NPSR1: variants seen among roughly 807,000 people sequenced by gnomAD.
NPSR1 encodes neuropeptide S receptor 1.
In NPSR1, 48 loss-of-function variants were observed where a neutral mutation model predicts 46.9. The observed-to-expected ratio is 1.02, with a 90% CI of 0.81 to 1.30. NPSR1 has a LOEUF of 1.30. Among genes scored for constraint, NPSR1 ranks in the 50% most tolerant of loss-of-function variants. NPSR1 has a pLI of 0.00. For missense variants in NPSR1, 450 were observed against 449.5 expected, an observed-to-expected ratio of 1.00 and a Z score of -0.01; for synonymous variants, 176 against 168.1, an observed-to-expected ratio of 1.05 and a Z score of -0.36.
chr7:34,789,561 G>A (rs1040995410), intron 3 of NPSR1, among the ~76,000 whole-genome samples: 4 of 151,792 alleles, frequency 2.6e-5, no homozygotes, highest in African/African-American at 9.7e-5. Flanking sequence ...GGGAGGCTGA[G>A]GCAGGCAGAT....
intron 3 of NPSR1, among the ~76,000 whole-genome samples, chr7:34,783,075 C>T (rs548133498): frequency 3.2e-4 from 48 of 151,560 alleles, no homozygotes; most frequent in African/African-American, 1.1e-3. Flanking sequence ...TGAAAATATA[C>T]AACTAAAGAA....
intron 2 of NPSR1, among the ~76,000 whole-genome samples, chr7:34,703,254 C>T (rs966863833): frequency 6.6e-6 from 1 of 152,156 alleles, no homozygotes; most frequent in Non-Finnish European, 1.5e-5. Flanking sequence ...GCCTGTAGTC[C>T]CAGCTACTCC....
At chr7:34,802,516 T>G (rs1174955717) in intron 3 of NPSR1, among the ~76,000 whole-genome samples, 3 of 150,362 alleles carry the variant, frequency 2.0e-5, no homozygotes, top group African/African-American at 5.0e-5. Flanking sequence ...TAGCCATATG[T>G]AGAAAGCTGA....
At chr7:34,790,853 T>G (rs1161272875) in intron 3 of NPSR1, among the ~76,000 whole-genome samples, 1 of 137,860 alleles carries the variant, frequency 7.3e-6, no homozygotes, top group Non-Finnish European at 1.5e-5. Flanking sequence ...ATATGTTATA[T>G]GTTATGTTAT....
chr7:34,773,592 A>T (rs1344397745), intron 2 of NPSR1, among the ~76,000 whole-genome samples: 1 of 152,176 alleles, frequency 6.6e-6, no homozygotes, highest in Non-Finnish European at 1.5e-5. Context: ...CTTGCCACAA[A>T]TCAACCAGTC....
rs1226869813 is a variant in NPSR1 at position 34,736,585 on chromosome 7, C to T, written c.281-41877C>T. Among the ~76,000 whole-genome samples the T allele has an allele frequency of 2.0e-5, 3 of 151,876 alleles. No homozygotes were observed. In the East Asian group the frequency reaches 5.8e-4, roughly 29 times the overall value. On this transcript the variant is annotated intron_variant, in intron 2 of 8. Transcript: ENST00000360581. ...CCTACCTACTCTCCTTGCTTACTTA[C>T]TTACTTACTTTATTTATCTATCTAT...
chr7:34,741,704 C>T (rs970300949), intron 2 of NPSR1, among the ~76,000 whole-genome samples: 4 of 152,202 alleles, frequency 2.6e-5, no homozygotes, highest in Non-Finnish European at 4.4e-5. Context: ...ACAGTCAAAA[C>T]ACACAACCAA....
At position 34,858,983 on chromosome 7, in the gene NPSR1, G is replaced by A. The variant is rs376335456; in HGVS notation, c.1025+10320G>A. On this transcript the variant is annotated intron_variant, in intron 8 of 8. Transcript: ENST00000359791. ...TGGGGAGAGGGAGGAGATGTACAGA[G>A]AGAGGCTGGCAGAGTCTCTTTTTTG... 2.0e-5 allele frequency among the ~76,000 whole-genome samples: 3 copies of A among 151,800 alleles called. No homozygotes were observed. The East Asian group carries it at 5.8e-4, about 29-fold the overall frequency.
intron 2 of NPSR1, among the ~76,000 whole-genome samples, chr7:34,694,609 T>G (rs970348324): frequency 6.6e-6 from 1 of 152,202 alleles, no homozygotes; most frequent in African/African-American, 2.4e-5. Flanking sequence ...AATCTACAGA[T>G]TCAACACAAT....
At chr7:34,853,594 A>C (rs1047787038), downstream of NPSR1, among the ~76,000 whole-genome samples, 1 of 152,208 alleles carries the variant, frequency 6.6e-6, no homozygotes, top group Non-Finnish European at 1.5e-5. Context: ...ATGGAGTCTT[A>C]TATCAGCTGG....
chr7:34,679,666 T>C, intron 1 of NPSR1, among the ~76,000 whole-genome samples: 1 of 152,114 alleles, frequency 6.6e-6, no homozygotes, highest in Non-Finnish European at 1.5e-5. Flanking sequence ...AAGAACCTAT[T>C]GATGATGATA....
rs766851559 is a variant in NPSR1, at chr7:34,684,693, C to G, written c.280+9C>G. 6.2e-7 allele frequency: 1 copy of G among 1,604,738 alleles called. No homozygotes were observed. Among genetic ancestry groups the G allele is most frequent in the African/African-American group, 1.3e-5 (1 of 74,282 alleles). The stretch of plus-strand genomic sequence containing the variant: ...TCAGCTGGCCATCACAGGTAAGTAA[C>G]TATGCAAGTGAGAGGCAGGAAGCTA... On this transcript the variant is annotated intron_variant, in intron 2 of 8. Transcript: ENST00000360581.
chr7:34,774,851 C>A, intron 2 of NPSR1, among the ~76,000 whole-genome samples: 1 of 152,122 alleles, frequency 6.6e-6, no homozygotes, highest in Non-Finnish European at 1.5e-5. Context: ...TATATGGGAC[C>A]AAAAATATTC....
chr7:34,677,213 C>A (rs1343034373), intron 1 of NPSR1, among the ~76,000 whole-genome samples: 1 of 152,184 alleles, frequency 6.6e-6, no homozygotes, highest in Non-Finnish European at 1.5e-5. Context: ...ATGAAGAAGG[C>A]AGCCATTTTC....
At chr7:34,772,714 T>C (rs1262272792) in intron 2 of NPSR1, among the ~76,000 whole-genome samples, 2 of 152,168 alleles carry the variant, frequency 1.3e-5, no homozygotes, top group East Asian at 3.9e-4. Flanking sequence ...TGAACAACCC[T>C]GTGTTGGGGG....
intron 2 of NPSR1, among the ~76,000 whole-genome samples, chr7:34,734,093 G>T (rs1434731790): frequency 2.0e-5 from 3 of 152,172 alleles, no homozygotes; most frequent in Non-Finnish European, 4.4e-5. Flanking sequence ...GAGGAGGCAG[G>T]TTGACAACTT....
chr7:34,699,199 A>G (rs1272728690), intron 2 of NPSR1, among the ~76,000 whole-genome samples: 1 of 152,142 alleles, frequency 6.6e-6, no homozygotes, highest in African/African-American at 2.4e-5. Flanking sequence ...GCTGTTATTG[A>G]CCAGGTGTGG....
rs139672692 is a variant in NPSR1 at position 34,875,199 on chromosome 7, A to G, written c.1026-2877A>G. 9.7e-4 allele frequency among the ~76,000 whole-genome samples: 148 copies of G among 152,346 alleles called. 1 individual carries two copies. The highest frequency in any genetic ancestry group is 1.7e-3 in the Non-Finnish European group (118 of 68,038). On this transcript the variant is annotated intron_variant, in intron 8 of 8. Coordinates refer to the NPSR1 transcript ENST00000359791. Reference sequence around the variant, plus strand: ...TGAAATTCAGGCCCTAGTCCCACACATAAGTAATTAAAGGTCAAAGTGACC... The same window carrying G: ...TGAAATTCAGGCCCTAGTCCCACACGTAAGTAATTAAAGGTCAAAGTGACC...
At chr7:34,691,531 C>T (rs920240288) in intron 2 of NPSR1, among the ~76,000 whole-genome samples, 2 of 151,702 alleles carry the variant, frequency 1.3e-5, no homozygotes, top group Non-Finnish European at 2.9e-5. Flanking sequence ...ATATATCATG[C>T]AAATGGGAAA....
Sources: gnomAD v4.1 joint callset for allele counts (sites outside exome capture counted in the v4.1 genomes callset) on GRCh38, gnomAD v4.1.1 for gene constraint, MANE v1.5 for transcripts, NCBI Gene and HGNC (gene_info 2026-07-23, HGNC 2026-07-21) for gene names.